ACAA1: variants seen among roughly 807,000 people sequenced by gnomAD.
ACAA1 encodes 3-ketoacyl-CoA thiolase, peroxisomal.
A neutral mutation model predicts 48.8 loss-of-function variants in ACAA1; 44 were observed. That is an observed-to-expected ratio of 0.90 (90% confidence interval 0.71 to 1.16). ACAA1 has a LOEUF of 1.16. Ranked by LOEUF, ACAA1 falls within the 50% of genes most tolerant of loss-of-function variation. The pLI, the probability that ACAA1 is intolerant of heterozygous loss-of-function variation, is 0.00. For missense variants in ACAA1, 512 were observed against 562.3 expected (o/e 0.91, Z 0.90); for synonymous variants, 233 against 226.5 (o/e 1.03, Z -0.26).
Position 38,126,382 on chromosome 3 carries a change from G to A in ACAA1, c.818-41C>T, listed in dbSNP as rs879205959. The A allele has an allele frequency of 1.9e-6, 3 of 1,606,708 alleles. No homozygotes were observed. The highest frequency in any genetic ancestry group is 1.7e-6 in the Non-Finnish European group (2 of 1,175,568). On this transcript the variant is annotated intron_variant, in intron 8 of 11. Transcript: ENST00000333167. This position sits in a 1 kb window ranked among gnomAD's most constrained non-coding sequence, Gnocchi z 4.7. ...TGGGGTAAGAAGGCATCGGGGTGGGGATGAGGAGATCCCAGCCCTCCCACT... is the reference window on the plus strand; with the variant it reads ...TGGGGTAAGAAGGCATCGGGGTGGGAATGAGGAGATCCCAGCCCTCCCACT...
chr3:38,132,067 G>A (rs1258318836), intron 3 of ACAA1, 62 bp from the exon 4 acceptor site: 5 of 1,441,274 alleles, frequency 3.5e-6, no homozygotes, highest in Non-Finnish European at 4.9e-6. Flanking sequence ...CTCATGGAAA[G>A]CAGTCCTATG....
chr3:38,126,554 G>T lies in ACAA1; in HGVS notation c.773C>A (p.Ala258Asp), dbSNP rs1292931365. Residue 258 changes from alanine to aspartate, a missense_variant, in exon 8 of 12, where the codon GCC becomes GAC. Coordinates refer to ENST00000333167, the MANE Select transcript of ACAA1 (RefSeq NM_001607.4). This position sits in a 1 kb window ranked among gnomAD's most constrained non-coding sequence, Gnocchi z 4.7. Reference sequence around the variant, plus strand: ...TTTCTTGAAGGCAGGCTTCAGTTTGGCCAGGCCCTCCATGGTGGTGCTGGG... The same window carrying T: ...TTTCTTGAAGGCAGGCTTCAGTTTGTCCAGGCCCTCCATGGTGGTGCTGGG... ...IRPSTTMEGL[A>D]KLKPAFKKDG... The T allele has an allele frequency of 1.2e-6, 2 of 1,614,168 alleles. No homozygotes were observed. The highest frequency in any genetic ancestry group is 1.7e-6 in the Non-Finnish European group (2 of 1,180,024).
chr3:38,128,009 T>C (rs1700713128), intron 6 of ACAA1, 143 bp from the exon 7 acceptor site: 1 of 751,664 alleles, frequency 1.3e-6, no homozygotes, highest in Non-Finnish European at 2.4e-6. Flanking sequence ...CCACAGACAG[T>C]AGTGATGACT....
intron 2 of ACAA1, 30 bp downstream of exon 2, chr3:38,136,562 C>T (rs760597468): frequency 2.1e-5 from 34 of 1,612,564 alleles, no homozygotes; most frequent in Admixed American, 3.3e-5. Context: ...ACGGGGAAGG[C>T]CCAGCGCAGG....
At position 38,129,424 on chromosome 3, in the gene ACAA1, AC is replaced by A. The variant is rs745433241; in HGVS notation, c.447-37del. The A allele has an allele frequency of 6.5e-7, 1 of 1,543,146 alleles. No individual in the cohort carries two copies. Among genetic ancestry groups the A allele is most frequent in the African/African-American group, 1.4e-5 (1 of 73,594 alleles). On this transcript the variant is annotated intron_variant, in intron 5 of 11. Transcript: ENST00000333167. This position sits in a 1 kb window ranked among gnomAD's most constrained non-coding sequence, Gnocchi z 5.3. ...GGAAGAGGAGGAGAAGGTAAGGTGA[AC>A]TGGGCCCTAGCAGGACTCCTCCAGA... is the stretch of plus-strand genomic sequence containing the variant.
At chr3:38,130,061 AAAAAT>A (rs1178079682) in intron 5 of ACAA1, among the ~76,000 whole-genome samples, 1 of 152,170 alleles carries the variant, frequency 6.6e-6, no homozygotes, top group Non-Finnish European at 1.5e-5. Flanking sequence ...TAAATAAAAT[AAAAAT>A]AAAAGTAACC....
chr3:38,123,267 T>C lies in ACAA1; in HGVS notation c.1200-145A>G, dbSNP rs1156740068. The C allele has an allele frequency of 9.9e-6, 7 of 709,198 alleles. No individual in the cohort carries two copies. In the East Asian group the frequency reaches 1.6e-4, roughly 16 times the overall value. The allele number at this position is 709,198 out of a possible 1,614,324, so 43.9% of individuals were successfully genotyped here. A position where few individuals can be genotyped will look rare whatever the true frequency, so the allele number is the denominator to read the frequency against. The stretch of plus-strand genomic sequence containing the variant: ...GGCAAGCGGTACCCTGGCCTCCCAC[T>C]TGGGCACACACACGGTGACAGATGC... On this transcript the variant is annotated intron_variant, in intron 11 of 11. Coordinates refer to ENST00000333167, the MANE Select transcript of ACAA1 (RefSeq NM_001607.4).
Position 38,126,398 on chromosome 3 carries a change from C to G in ACAA1, c.818-57G>C. The G allele has an allele frequency of 1.9e-6, 3 of 1,604,446 alleles. No homozygotes were observed. The highest frequency in any genetic ancestry group is 2.6e-6 in the Non-Finnish European group (3 of 1,174,234). ...CGGGGTGGGGATGAGGAGATCCCAGCCCTCCCACTTCTACTTTGCAGAGGG... is the reference window on the plus strand; with the variant it reads ...CGGGGTGGGGATGAGGAGATCCCAGGCCTCCCACTTCTACTTTGCAGAGGG... On this transcript the variant is annotated intron_variant, in intron 8 of 11. Transcript: ENST00000333167. This position sits in a 1 kb window ranked among gnomAD's most constrained non-coding sequence, Gnocchi z 4.7.
Position 38,129,296 on chromosome 3 carries a change from G to C in ACAA1, c.539C>G (p.Pro180Arg), listed in dbSNP as rs754337644. ...EKEKARDCLIPMGITSENVAE... is the reference protein window; with the variant it reads ...EKEKARDCLIRMGITSENVAE... Reference sequence around the variant, plus strand: ...GAGCTATGGGAGCACTCACCCCATAGGAATCAGGCAATCTCTGGCCTTCTC... The same window carrying C: ...GAGCTATGGGAGCACTCACCCCATACGAATCAGGCAATCTCTGGCCTTCTC... Residue 180 changes from proline (P) to arginine (R), a missense_variant, in exon 6 of 12, where the codon CCT becomes CGT. Transcript: ENST00000333167. The surrounding 1 kb of genome is among the most constrained non-coding windows in gnomAD (Gnocchi z 5.3). 1 of 1,613,802 alleles carries C rather than the reference G, an allele frequency of 6.2e-7. No homozygotes were observed. The highest frequency in any genetic ancestry group is 1.1e-5 in the South Asian group (1 of 91,078).
Position 38,137,124 on chromosome 3 carries a change from T to A in ACAA1, c.-89A>T. ...CCGTCCGCACACGCGCAGAACCACA[T>A]CTCAGCCTCCAAGGCCTCAACTCCG... On this transcript the variant is annotated 5_prime_UTR_variant, in exon 1 of 12. It removes an upstream start codon present in the reference 5' UTR. Transcript: ENST00000333167. 9.0e-7 allele frequency: 1 copy of A among 1,105,966 alleles called. No homozygotes were observed. Among genetic ancestry groups the A allele is most frequent in the Non-Finnish European group, 1.3e-6 (1 of 791,644 alleles). 68.5% of individuals were successfully genotyped at this position (1,105,966 alleles called of 1,614,324 possible).
rs1318191483 is a variant in ACAA1, at chr3:38,129,176, C to G, written c.545+114G>C. On this transcript the variant is annotated intron_variant, in intron 6 of 11. Coordinates refer to ENST00000333167, the MANE Select transcript of ACAA1 (RefSeq NM_001607.4). This position sits in a 1 kb window ranked among gnomAD's most constrained non-coding sequence, Gnocchi z 5.3. ...AAAGTCCCTGCGGAGCAGACCATGC[C>G]CAAAGGAAGGAGGCCAAGGCTTGGC... 2.2e-6 allele frequency: 2 copies of G among 917,390 alleles called. No individual in the cohort carries two copies. Among genetic ancestry groups the G allele is most frequent in the Non-Finnish European group, 3.4e-6 (2 of 592,362 alleles). 56.8% of individuals were successfully genotyped at this position (917,390 alleles called of 1,614,324 possible).
At chr3:38,136,402 CTTAT>C (rs1265110490) in intron 2 of ACAA1, among the ~76,000 whole-genome samples, 186 bp downstream of exon 2, 1 of 152,214 alleles carries the variant, frequency 6.6e-6, no homozygotes, top group Non-Finnish European at 1.5e-5. Context: ...GTCTCTGCGT[CTTAT>C]TTCTTTTCTC....
Position 38,126,162 on chromosome 3 carries a change from C to G in ACAA1, c.997G>C (p.Gly333Arg), listed in dbSNP as rs1700677929. 6.2e-7 allele frequency: 1 copy of G among 1,613,146 alleles called. No homozygotes were observed. The highest frequency in any genetic ancestry group is 1.1e-5 in the South Asian group (1 of 91,032). Residue 333 changes from glycine (G) to arginine (R), a missense_variant and splice_region_variant, in exon 9 of 12, where the codon GGG (glycine) becomes CGG (arginine). Transcript: ENST00000333167. The surrounding 1 kb of genome is among the most constrained non-coding windows in gnomAD (Gnocchi z 4.7). Reference sequence around the variant, plus strand: ...ATACTATATGAAGGAGCCACCTTACCTGCTTTTTGCAAAGCTACTGGGATG... The same window carrying G: ...ATACTATATGAAGGAGCCACCTTACGTGCTTTTTGCAAAGCTACTGGGATG... ...YAIPVALQKA[G>R]LTVSDVDIFE...
Position 38,131,941 on chromosome 3 carries a change from C to T in ACAA1, c.388G>A (p.Val130Met). Residue 130 changes from valine (V) to methionine (M), a missense_variant, in exon 4 of 12, where the codon GTG becomes ATG. Physicochemically the swap from Val to Met is conservative, Grantham distance 21. Coordinates refer to ENST00000333167, the MANE Select transcript of ACAA1 (RefSeq NM_001607.4). Reference sequence around the variant, plus strand: ...CATAACTTACCTGCTATGCTGGCCACTGCCTGTAGCCCCGACGAACACTGT... The same window carrying T: ...CATAACTTACCTGCTATGCTGGCCATTGCCTGTAGCCCCGACGAACACTGT... The part of the protein sequence containing the change: ...NRQCSSGLQA[V>M]ASIAGGIRNG... The T allele has an allele frequency of 6.2e-7, 1 of 1,614,042 alleles. No homozygotes were observed. Among genetic ancestry groups the T allele is most frequent in the African/African-American group, 1.3e-5 (1 of 75,064 alleles).
At chr3:38,130,026 C>G (rs1160683973) in intron 5 of ACAA1, among the ~76,000 whole-genome samples, 1 of 152,028 alleles carries the variant, frequency 6.6e-6, no homozygotes, top group Non-Finnish European at 1.5e-5. Flanking sequence ...GGCGACAGAG[C>G]GAGACTCTGT....
intron 2 of ACAA1, among the ~76,000 whole-genome samples, chr3:38,135,991 G>C (rs1293640465): frequency 1.1e-4 from 17 of 152,128 alleles, no homozygotes; most frequent in Non-Finnish European, 1.5e-5. Flanking sequence ...AGGTCCCTGC[G>C]GCCTTTCGCA....
chr3:38,130,336 T>C (rs1248682807), intron 5 of ACAA1, among the ~76,000 whole-genome samples: 2 of 152,264 alleles, frequency 1.3e-5, no homozygotes, highest in African/African-American at 4.8e-5. Context: ...AAACTGTTGC[T>C]ATTACTCCAT....
chr3:38,127,497 G>A (rs949857568), intron 7 of ACAA1: 2 of 472,750 alleles, frequency 4.2e-6, no homozygotes, highest in Non-Finnish European at 7.8e-6. Flanking sequence ...CCACACTCCA[G>A]GCTACAATGT....
chr3:38,129,331 C>G lies in ACAA1; in HGVS notation c.504G>C (p.Leu168Phe), dbSNP rs1036666382. The G allele has an allele frequency of 6.2e-7, 1 of 1,614,062 alleles. No homozygotes were observed. The highest frequency in any genetic ancestry group is 1.3e-5 in the African/African-American group (1 of 74,910). Residue 168 changes from leucine (L) to phenylalanine (F), a missense_variant, in exon 6 of 12, where the codon TTG (leucine) becomes TTC (phenylalanine). Physicochemically the swap from Leu to Phe is conservative, Grantham distance 22 (BLOSUM62 0). Transcript: ENST00000333167. The surrounding 1 kb of genome is among the most constrained non-coding windows in gnomAD (Gnocchi z 5.3). ...AATCTCTGGCCTTCTCCTTCTCCAT[C>G]AAGCGCGAAGTAATATTTCCAGGGT... ...RGNPGNITSR[L>F]MEKEKARDCL... is the part of the protein sequence containing the mutation.
Sources: allele counts gnomAD v4.1 joint callset (sites outside exome capture counted in the v4.1 genomes callset), GRCh38; gene constraint gnomAD v4.1.1; non-coding constraint Gnocchi (gnomAD v3.1); transcripts MANE v1.5; gene names NCBI Gene and HGNC (gene_info 2026-07-23, HGNC 2026-07-21).